The following SMARCA2 variants were observed in gnomAD, a reference collection of about 807,000 sequenced individuals.
SMARCA2 encodes SWI/SNF-related matrix-associated actin-dependent regulator of chromatin subfamily A member 2.
A neutral mutation model predicts 199.8 loss-of-function variants in SMARCA2; 61 were observed. The ratio of observed to expected loss-of-function variants is 0.31; its 90% CI spans 0.25 to 0.38. The LOEUF is 0.38. Among genes scored for constraint, SMARCA2 ranks in the 10% least tolerant of loss-of-function variants. SMARCA2 has a pLI of 1.00. For synonymous variants in SMARCA2, 935 were observed against 732.0 expected (o/e 1.28, Z -4.48); for missense variants, 1,344 against 2,012.2 (o/e 0.67, Z 6.35).
intron 29 of SMARCA2, among the ~76,000 whole-genome samples, chr9:2,172,438 G>T (rs373227593): frequency 5.9e-5 from 9 of 151,672 alleles, no homozygotes; most frequent in South Asian, 4.2e-4. Context: ...GAGGATGGGT[G>T]GGGGGGCAGA....
intron 23 of SMARCA2, among the ~76,000 whole-genome samples, chr9:2,108,494 T>G (rs1822855951): frequency 6.6e-6 from 1 of 152,334 alleles, no homozygotes; most frequent in South Asian, 2.1e-4. Flanking sequence ...TAATCAAAAC[T>G]GTTGAACTTC....
At chr9:2,096,160 A>G (rs1043071085) in intron 19 of SMARCA2, among the ~76,000 whole-genome samples, 3 of 152,184 alleles carry the variant, frequency 2.0e-5, no homozygotes. Flanking sequence ...TAGTCACCCT[A>G]GGGATGTTAT....
intron 27 of SMARCA2, chr9:2,160,419 T>C (rs1825606184): frequency 1.8e-6 from 1 of 549,052 alleles, no homozygotes; most frequent in Admixed American, 3.1e-5. Context: ...ACATATTTTT[T>C]TAAAAATCCC....
intron 9 of SMARCA2, among the ~76,000 whole-genome samples, chr9:2,067,711 A>G (rs973347801): frequency 1.3e-5 from 2 of 152,240 alleles, no homozygotes; most frequent in African/African-American, 4.8e-5. Flanking sequence ...CTAAGATTGA[A>G]ACACAGTTTG....
intron 20 of SMARCA2, chr9:2,097,112 C>G (rs1045293844): frequency 2.1e-6 from 1 of 484,120 alleles, no homozygotes; most frequent in Admixed American, 3.6e-5. Flanking sequence ...CGGAGTCCTA[C>G]GGAATAGACA....
chr9:2,065,414 G>C (rs73638374), intron 9 of SMARCA2, among the ~76,000 whole-genome samples: 3,024 of 152,124 alleles, frequency 0.02, 85 homozygotes, highest in African/African-American at 0.067. Context: ...TGGAGTGTTC[G>C]ATTTTCTTTC....
chr9:2,167,303 G>C (rs972093347), intron 28 of SMARCA2, among the ~76,000 whole-genome samples: 5 of 152,200 alleles, frequency 3.3e-5, no homozygotes, highest in Non-Finnish European at 7.3e-5. Context: ...TTTCAAATCT[G>C]AGCATTGTTC....
rs533865776 is a variant in SMARCA2 at position 2,123,332 on chromosome 9, A to C, written c.3763-387A>C. Reference sequence around the variant, plus strand: ...TAAAGATCTTTCTTTTCTTTACTCAAAGAATAAGTTTCTTCCAGGGAAGCA... The same window carrying C: ...TAAAGATCTTTCTTTTCTTTACTCACAGAATAAGTTTCTTCCAGGGAAGCA... On this transcript the variant is annotated intron_variant, in intron 26 of 33. Coordinates refer to ENST00000349721, the MANE Select transcript of SMARCA2 (RefSeq NM_003070.5). The surrounding 1 kb of genome is among the most constrained non-coding windows in gnomAD (Gnocchi z 4.1). 6.6e-6 allele frequency among the ~76,000 whole-genome samples: 1 copy of C among 152,284 alleles called. No homozygotes were observed. Among genetic ancestry groups the C allele is most frequent in the Admixed American group, 6.5e-5 (1 of 15,302 alleles).
chr9:2,114,458 G>A (rs556742608), intron 24 of SMARCA2, among the ~76,000 whole-genome samples: 1 of 152,282 alleles, frequency 6.6e-6, no homozygotes, highest in South Asian at 2.1e-4. Context: ...AAGAAGACGG[G>A]TTTACAGCTG....
chr9:2,167,088 G>T (rs1825969655), intron 28 of SMARCA2, among the ~76,000 whole-genome samples: 1 of 152,150 alleles, frequency 6.6e-6, no homozygotes, highest in Non-Finnish European at 1.5e-5. Flanking sequence ...TATTGAAATT[G>T]GGACATTTGC....
At chr9:2,129,357 A>C (rs1420450304) in intron 27 of SMARCA2, among the ~76,000 whole-genome samples, 3 of 152,130 alleles carry the variant, frequency 2.0e-5, no homozygotes, top group Non-Finnish European at 2.9e-5. Flanking sequence ...GGCAGAGGTT[A>C]CATTGAGCCG....
At chr9:2,164,395 C>G (rs1586776924) in intron 28 of SMARCA2, among the ~76,000 whole-genome samples, 3 of 152,328 alleles carry the variant, frequency 2.0e-5, no homozygotes, top group Admixed American at 2.0e-4. Flanking sequence ...CATTCACCAG[C>G]TATGGGACAG....
Position 2,119,338 on chromosome 9 carries a change from C to T in SMARCA2, c.3685-120C>T. ...CGTCAAGGACTAAATCCAGCAACCC[C>T]TTCCCTTTTCTTTCTGCCTTGAGAA... On this transcript the variant is annotated intron_variant, in intron 25 of 33. Transcript: ENST00000349721. The surrounding 1 kb of genome is among the most constrained non-coding windows in gnomAD (Gnocchi z 4.6). 1 of 665,520 alleles carries T rather than the reference C, an allele frequency of 1.5e-6. No individual in the cohort carries two copies. The allele number at this position is 665,520 out of a possible 1,614,324, so 41.2% of individuals were successfully genotyped here.
chr9:2,119,650 C>G lies in SMARCA2; in HGVS notation c.3762+115C>G. The stretch of plus-strand genomic sequence containing the variant: ...AGAACTTCATACGTAAAGCCTATGC[C>G]TTTCCTTCAGTTCAGAGGCTGCAAA... On this transcript the variant is annotated intron_variant, in intron 26 of 33. Transcript: ENST00000349721. This position sits in a 1 kb window ranked among gnomAD's most constrained non-coding sequence, Gnocchi z 4.6. 2.9e-6 allele frequency: 2 copies of G among 700,974 alleles called. No homozygotes were observed. The highest frequency in any genetic ancestry group is 5.0e-6 in the Non-Finnish European group (2 of 397,420). The allele number at this position is 700,974 out of a possible 1,614,324, so 43.4% of individuals were successfully genotyped here.
intron 27 of SMARCA2, among the ~76,000 whole-genome samples, chr9:2,152,999 A>G (rs1825156785): frequency 6.6e-6 from 1 of 152,160 alleles, no homozygotes; most frequent in Non-Finnish European, 1.5e-5. Flanking sequence ...TAAATGAGGG[A>G]TGTGGCTATC....
chr9:2,087,313 G>C, intron 18 of SMARCA2: 2 of 507,140 alleles, frequency 3.9e-6, no homozygotes, highest in Admixed American at 3.4e-5. Flanking sequence ...TGTTTACCAG[G>C]CTACCAGAAA....
chr9:2,022,391 T>C (rs1490657767), intron 1 of SMARCA2, among the ~76,000 whole-genome samples: 2 of 152,194 alleles, frequency 1.3e-5, no homozygotes, highest in Non-Finnish European at 1.5e-5. Context: ...GTAAGGAGCT[T>C]GAAACTCAGA....
At chr9:2,062,963 G>C (rs1052211656) in intron 9 of SMARCA2, among the ~76,000 whole-genome samples, 1 of 152,076 alleles carries the variant, frequency 6.6e-6, no homozygotes, top group African/African-American at 2.4e-5. Flanking sequence ...TGGCAAACGC[G>C]TAATAGTTGT....
chr9:2,035,748 G>A (rs1183469520), intron 3 of SMARCA2, among the ~76,000 whole-genome samples: 2 of 152,126 alleles, frequency 1.3e-5, no homozygotes, highest in Non-Finnish European at 2.9e-5. Context: ...AAATGCAAAG[G>A]TCTGCATTAA....
Sources: gnomAD v4.1 joint callset for allele counts (sites outside exome capture counted in the v4.1 genomes callset) on GRCh38, gnomAD v4.1.1 for gene constraint, Gnocchi (gnomAD v3.1) non-coding constraint, MANE v1.5 for transcripts, NCBI Gene and HGNC (gene_info 2026-07-23, HGNC 2026-07-21) for gene names.